PCDH7: variants seen among roughly 807,000 people sequenced by gnomAD.
The protein encoded by PCDH7 is protocadherin-7.
In PCDH7, 17 loss-of-function variants were observed where a neutral mutation model predicts 58.9. The ratio of observed to expected loss-of-function variants is 0.29; its 90% CI spans 0.20 to 0.43. The LOEUF (loss-of-function observed/expected upper bound fraction) is 0.43. Ranked by LOEUF, PCDH7 falls within the 20% of genes least tolerant of loss-of-function variation. PCDH7 has a pLI of 1.00. For synonymous variants in PCDH7, 664 were observed against 616.4 expected (o/e 1.08, Z -1.14); for missense variants, 1,274 against 1,441.0 (o/e 0.88, Z 1.88).
intron 1 of PCDH7, among the ~76,000 whole-genome samples, chr4:30,757,760 T>C (rs1719504288): frequency 6.6e-6 from 1 of 152,218 alleles, no homozygotes. Context: ...CCCGCAATTA[T>C]GTGACCTTTT....
At chr4:30,877,401 T>C (rs1461766747) in intron 1 of PCDH7, among the ~76,000 whole-genome samples, 1 of 152,120 alleles carries the variant, frequency 6.6e-6, no homozygotes, top group African/African-American at 2.4e-5. Flanking sequence ...CCTCGTAGTG[T>C]ATTGATTAGT....
chr4:30,952,120 A>T (rs1747424709), intron 3 of PCDH7, among the ~76,000 whole-genome samples: 1 of 152,166 alleles, frequency 6.6e-6, no homozygotes, highest in Admixed American at 6.6e-5. Flanking sequence ...TTTCTATAAG[A>T]AATAATTTAT....
intron 1 of PCDH7, among the ~76,000 whole-genome samples, chr4:30,807,295 T>C (rs914770652): frequency 7.9e-5 from 12 of 152,200 alleles, no homozygotes; most frequent in Admixed American, 7.9e-4. Flanking sequence ...TCCAAAAGCA[T>C]AAACAATAAA....
chr4:30,857,864 A>G (rs1399372707), intron 1 of PCDH7, among the ~76,000 whole-genome samples: 1 of 152,154 alleles, frequency 6.6e-6, no homozygotes, highest in African/African-American at 2.4e-5. Flanking sequence ...GCCTTGTGCT[A>G]CAATTCATTT....
chr4:30,814,326 C>G (rs1577908850), intron 1 of PCDH7, among the ~76,000 whole-genome samples: 2 of 151,970 alleles, frequency 1.3e-5, no homozygotes, highest in Non-Finnish European at 2.9e-5. Flanking sequence ...TCATGCCTTG[C>G]AATTTTTTCT....
At chr4:31,009,329 C>T (rs1753006042) in intron 3 of PCDH7, among the ~76,000 whole-genome samples, 2 of 151,956 alleles carry the variant, frequency 1.3e-5, no homozygotes, top group Admixed American at 1.3e-4. Flanking sequence ...AATAGGGAAA[C>T]AGCTGTTTAG....
chr4:30,739,302 A>G (rs953520213), intron 1 of PCDH7, among the ~76,000 whole-genome samples: 2 of 151,506 alleles, frequency 1.3e-5, no homozygotes, highest in Admixed American at 1.3e-4. Flanking sequence ...AAAATGTAAC[A>G]GCGAATAGAC....
chr4:30,740,791 T>C (rs1211144433), intron 1 of PCDH7, among the ~76,000 whole-genome samples: 2 of 152,176 alleles, frequency 1.3e-5, no homozygotes, highest in Admixed American at 1.3e-4. Flanking sequence ...AAATAGTCAA[T>C]TAAAATATGA....
At chr4:30,789,135 T>C (rs1193353057) in intron 1 of PCDH7, among the ~76,000 whole-genome samples, 1 of 151,602 alleles carries the variant, frequency 6.6e-6, no homozygotes, top group Non-Finnish European at 1.5e-5. Flanking sequence ...GATCAATAGG[T>C]CCCCCCCTAA....
rs150717068 is a variant in PCDH7 at position 30,804,807 on chromosome 4, G to T, written c.70+80211G>T. On this transcript the variant is annotated intron_variant, in intron 1 of 3. Transcript: ENST00000509759. Reference sequence around the variant, plus strand: ...ACATAAAATATCTAACTAAAATAAGGTCTCTGACTTAGCTACCACCTCCAG... The same window carrying T: ...ACATAAAATATCTAACTAAAATAAGTTCTCTGACTTAGCTACCACCTCCAG... Among the ~76,000 whole-genome samples, 58 of 152,186 alleles carry T rather than the reference G, an allele frequency of 3.8e-4. No individual in the cohort carries two copies. In the East Asian group the frequency reaches 0.011, roughly 28 times the overall value.
intron 3 of PCDH7, among the ~76,000 whole-genome samples, chr4:31,069,249 C>T (rs180800265): frequency 6.6e-6 from 1 of 152,126 alleles, no homozygotes; most frequent in Admixed American, 6.6e-5. Context: ...AGAAAAGGCC[C>T]TTCTGACTCA....
At chr4:30,994,030 CA>C (rs1241944623) in intron 3 of PCDH7, among the ~76,000 whole-genome samples, 3 of 151,746 alleles carry the variant, frequency 2.0e-5, no homozygotes, top group African/African-American at 7.3e-5. Flanking sequence ...GTAAACATTT[CA>C]AAATATCAAT....
At chr4:31,034,160 C>T (rs1026385925) in intron 3 of PCDH7, among the ~76,000 whole-genome samples, 4 of 152,022 alleles carry the variant, frequency 2.6e-5, no homozygotes, top group Admixed American at 2.0e-4. Context: ...CTCAATTTAT[C>T]CTATCTTGCC....
intron 1 of PCDH7, among the ~76,000 whole-genome samples, chr4:30,898,838 G>T (rs35580687): frequency 0.2 from 29,682 of 152,056 alleles, 3,626 homozygotes; most frequent in East Asian, 0.28. Context: ...TGATCCGCCC[G>T]CCTCGGCCTC....
intron 3 of PCDH7, among the ~76,000 whole-genome samples, chr4:30,984,908 A>C (rs1013293796): frequency 5.3e-5 from 8 of 152,180 alleles, no homozygotes; most frequent in Non-Finnish European, 8.8e-5. Context: ...AGGCTAGATT[A>C]GTAATACCAT....
At chr4:30,740,118 G>A (rs1023224409) in intron 1 of PCDH7, among the ~76,000 whole-genome samples, 3 of 152,176 alleles carry the variant, frequency 2.0e-5, no homozygotes, top group Admixed American at 6.5e-5. Context: ...TTTGTAAAGT[G>A]ATAGAACTGA....
In PCDH7 at chr4:30,917,362, T is replaced by A. The variant is rs569698879; in HGVS notation, c.71-2791T>A. 4.5e-4 allele frequency among the ~76,000 whole-genome samples: 68 copies of A among 152,270 alleles called. No individual in the cohort carries two copies. In the South Asian group the frequency reaches 8.9e-3, roughly 20 times the overall value. On this transcript the variant is annotated intron_variant, in intron 1 of 3. Coordinates refer to the PCDH7 transcript ENST00000509759. ...TACTTGGCCACAAAAAATTTATTAT[T>A]CAAAACTGTCAAAATGAATCTGAAG...
chr4:30,805,795 A>G (rs980745653), intron 1 of PCDH7, among the ~76,000 whole-genome samples: 4 of 152,176 alleles, frequency 2.6e-5, no homozygotes, highest in African/African-American at 9.7e-5. Context: ...CTCCTTCTCT[A>G]AACCACAGTA....
At chr4:31,003,247 A>G (rs906003860) in intron 3 of PCDH7, among the ~76,000 whole-genome samples, 2 of 152,006 alleles carry the variant, frequency 1.3e-5, no homozygotes, top group African/African-American at 4.8e-5. Context: ...ATTCATTGTC[A>G]TTATCTTGAC....
Sources: allele counts gnomAD v4.1 joint callset (sites outside exome capture counted in the v4.1 genomes callset), GRCh38; gene constraint gnomAD v4.1.1; transcripts MANE v1.5; gene names NCBI Gene and HGNC (gene_info 2026-07-23, HGNC 2026-07-21).